Variants in DNTT observed in about 807,000 individuals in gnomAD.
DNTT encodes the protein DNA nucleotidylexotransferase.
DNTT carries 47 observed loss-of-function variants against 60.9 expected under a neutral mutation model. That is an observed-to-expected ratio of 0.77 (90% CI 0.61 to 0.98). The LOEUF is 0.98. Ranked by LOEUF, DNTT falls within the 50% of genes least tolerant of loss-of-function variation. The probability of loss-of-function intolerance (pLI) is 0.00; values close to 1 mark genes in which losing one functional copy is unlikely to be tolerated. For synonymous variants in DNTT, 224 were observed against 221.2 expected (o/e 1.01, Z -0.11); for missense variants, 665 against 627.5 (o/e 1.06, Z -0.64).
intron 10 of DNTT, among the ~76,000 whole-genome samples, chr10:96,336,805 G>A (rs915192228): frequency 6.6e-6 from 1 of 151,926 alleles, no homozygotes; most frequent in African/African-American, 2.4e-5. Context: ...AACCAGGTGT[G>A]GCGGCTCGCA....
At chr10:96,320,582 A>G (rs967998882) in intron 3 of DNTT, 36 bp from the exon 4 acceptor site, 1 of 1,608,682 alleles carries the variant, frequency 6.2e-7, no homozygotes, top group Admixed American at 1.7e-5. Context: ...AGGGGCTTGG[A>G]AGCAAATCTC....
At chr10:96,320,527 A>G (rs1241995077) in intron 3 of DNTT, 91 bp from the exon 4 acceptor site, 1 of 1,444,710 alleles carries the variant, frequency 6.9e-7, no homozygotes, top group Non-Finnish European at 9.5e-7. Context: ...TGGTATTCCA[A>G]TATTTAAAGG....
chr10:96,306,106 T>TG (rs1347073984), intron 1 of DNTT, among the ~76,000 whole-genome samples: 4 of 149,786 alleles, frequency 2.7e-5, no homozygotes, highest in African/African-American at 4.9e-5. Context: ...TTTTTTTTTT[T>TG]TTTTTGAGAC....
chr10:96,304,848 A>C, intron 1 of DNTT, 148 bp downstream of exon 1: 1 of 894,858 alleles, frequency 1.1e-6, no homozygotes, highest in Non-Finnish European at 1.6e-6. Context: ...AAGAACAACT[A>C]GTTAAGGAAA....
rs66877330 is a variant in DNTT, at chr10:96,306,092, A to ATTTTTTTTTT, written c.203+1402_203+1411dup. On this transcript the variant is annotated intron_variant, in intron 1 of 10. Coordinates refer to ENST00000371174, the MANE Select transcript of DNTT (RefSeq NM_004088.4). ...ATAGGTAAAGAAGCCAAAAAAATAG[A>ATTTTTTTTTT]TTTTTTTTTTTTTTTTTTTGAGACA... 6.2e-4 allele frequency among the ~76,000 whole-genome samples: 82 copies of ATTTTTTTTTT among 131,468 alleles called. 1 individual carries two copies. The highest frequency in any genetic ancestry group is 2.2e-3 in the African/African-American group (80 of 35,898). The allele number at this position is 131,468 out of a possible 152,430, so 86.2% of individuals were successfully genotyped here.
chr10:96,326,478 T>C (rs764430206), intron 6 of DNTT, among the ~76,000 whole-genome samples: 3 of 152,152 alleles, frequency 2.0e-5, no homozygotes, highest in Non-Finnish European at 4.4e-5. Flanking sequence ...CCATTAGAGA[T>C]AACATGGGAA....
intron 1 of DNTT, among the ~76,000 whole-genome samples, chr10:96,314,851 G>A (rs1260534669): frequency 1.3e-5 from 2 of 152,112 alleles, no homozygotes; most frequent in African/African-American, 4.8e-5. Flanking sequence ...TTCCAGTATT[G>A]GAGTGTTCAG....
In DNTT at chr10:96,338,277, C is replaced by A; in HGVS notation, c.*53C>A. 1.3e-6 allele frequency: 2 copies of A among 1,528,720 alleles called. No homozygotes were observed. Among genetic ancestry groups the A allele is most frequent in the Non-Finnish European group, 9.0e-7 (1 of 1,116,754 alleles). 94.7% of individuals were successfully genotyped at this position (1,528,720 alleles called of 1,614,324 possible). ...TTCTTTTCAAGTTAAATAAATTATG[C>A]TTCATATTAGTAAAAGATGCCATAG... is the stretch of plus-strand genomic sequence containing the variant. On this transcript the variant is annotated 3_prime_UTR_variant, in exon 11 of 11. Coordinates refer to ENST00000371174, the MANE Select transcript of DNTT (RefSeq NM_004088.4).
At chr10:96,304,741 T>A in intron 1 of DNTT, 41 bp downstream of exon 1, 1 of 1,591,922 alleles carries the variant, frequency 6.3e-7, no homozygotes, top group Non-Finnish European at 8.6e-7. Context: ...AAGCAGAGGC[T>A]TTGTGAACAG....
At chr10:96,319,542 C>T in intron 3 of DNTT, 152 bp downstream of exon 3, 1 of 1,092,272 alleles carries the variant, frequency 9.2e-7, no homozygotes, top group Non-Finnish European at 1.3e-6. Flanking sequence ...ATCCTTCTAT[C>T]CTTCTTCTTT....
At chr10:96,334,096 C>T (rs1407943017) in intron 9 of DNTT, among the ~76,000 whole-genome samples, 2 of 152,142 alleles carry the variant, frequency 1.3e-5, no homozygotes, top group Non-Finnish European at 2.9e-5. Flanking sequence ...CAAATGCATA[C>T]AATTATTATA....
intron 7 of DNTT, among the ~76,000 whole-genome samples, chr10:96,328,084 C>T (rs938002494): frequency 6.6e-6 from 1 of 152,206 alleles, no homozygotes; most frequent in African/African-American, 2.4e-5. Context: ...TGATGCCTAG[C>T]ACAAAGTAGG....
intron 1 of DNTT, among the ~76,000 whole-genome samples, chr10:96,305,127 C>A (rs188141463): frequency 3.9e-5 from 6 of 152,286 alleles, no homozygotes; most frequent in Admixed American, 2.0e-4. Flanking sequence ...TACATCTGGG[C>A]GTGCTAAGGC....
In DNTT at chr10:96,318,362, AC is replaced by A. The variant is rs1275435804; in HGVS notation, c.217del (p.His73ThrfsTer3). 15 of 1,610,674 alleles carry A rather than the reference AC, an allele frequency of 9.3e-6. No individual in the cohort carries two copies. Among genetic ancestry groups the A allele is most frequent in the Non-Finnish European group, 1.2e-5 (14 of 1,178,116 alleles). ...TCTTGCATTTTGCAGTGATTCTGTC[AC>A]CCACATCGTAGCAGAGAACAACTCG... ...RVENELSDSV[T>X]HIVAENNSGS... On this transcript the variant is annotated frameshift_variant, in exon 2 of 11. Transcript: ENST00000371174. LOFTEE classifies it high-confidence loss of function.
In DNTT at chr10:96,307,732, T is replaced by A. The variant is rs896847559; in HGVS notation, c.203+3032T>A. ...ATATATATATATATATATATATATA[T>A]AAGCATATATATGTGTGTGTGTGTG... On this transcript the variant is annotated intron_variant, in intron 1 of 10. Transcript: ENST00000371174. Among the ~76,000 whole-genome samples the A allele has an allele frequency of 3.0e-4, 36 of 118,490 alleles. 1 individual carries two copies. The highest frequency in any genetic ancestry group is 9.1e-4 in the African/African-American group (31 of 34,228). 77.7% of individuals were successfully genotyped at this position (118,490 alleles called of 152,430 possible).
chr10:96,316,774 A>G (rs1397427655), intron 1 of DNTT, among the ~76,000 whole-genome samples: 2 of 152,172 alleles, frequency 1.3e-5, no homozygotes, highest in Non-Finnish European at 2.9e-5. Context: ...TGAACATGGC[A>G]GATCTTCATG....
Position 96,304,667 on chromosome 10 carries a change from G to T in DNTT, c.170G>T (p.Arg57Leu). The stretch of plus-strand genomic sequence containing the variant: ...AGAGCGTTCCTCATGGAGCTGGCCC[G>T]CAGGAAAGGGTTCAGGGTTGAAAAT... ...TRRAFLMELA[R>L]RKGFRVENEL... Residue 57 changes from arginine to leucine, a missense_variant, in exon 1 of 11, where the codon CGC becomes CTC. Physicochemically the swap from Arg to Leu is moderately radical, Grantham distance 102. Coordinates refer to ENST00000371174, the MANE Select transcript of DNTT (RefSeq NM_004088.4). 5 of 1,614,078 alleles carry T rather than the reference G, an allele frequency of 3.1e-6. No individual in the cohort carries two copies. The highest frequency in any genetic ancestry group is 4.2e-6 in the Non-Finnish European group (5 of 1,180,004).
At chr10:96,315,751 CATAAGT>C (rs1047670329) in intron 1 of DNTT, among the ~76,000 whole-genome samples, 10 of 150,992 alleles carry the variant, frequency 6.6e-5, no homozygotes, top group African/African-American at 2.4e-4. Flanking sequence ...AATAATGTAT[CATAAGT>C]ATAATAATAT....
chr10:96,321,830 A>G (rs1361479495), intron 4 of DNTT, among the ~76,000 whole-genome samples: 1 of 152,174 alleles, frequency 6.6e-6, no homozygotes, highest in African/African-American at 2.4e-5. Context: ...TACCTACTCT[A>G]ACATATAAAT....
Sources: gnomAD v4.1 joint callset for allele counts (sites outside exome capture counted in the v4.1 genomes callset) on GRCh38, gnomAD v4.1.1 for gene constraint, MANE v1.5 for transcripts, NCBI Gene and HGNC (gene_info 2026-07-23, HGNC 2026-07-21) for gene names.